RRP12: variants seen among roughly 807,000 people sequenced by gnomAD.
RRP12 encodes the protein RRP12-like protein.
A neutral mutation model predicts 157.3 loss-of-function variants in RRP12; 78 were observed. The observed-to-expected ratio is 0.50, with a 90% CI of 0.41 to 0.60. The LOEUF (loss-of-function observed/expected upper bound fraction) is 0.60, where lower values mean the gene tolerates loss of function less well. Ranked by LOEUF, RRP12 falls within the 20% of genes least tolerant of loss-of-function variation. The pLI is 0.00. For missense variants in RRP12, 1,521 were observed against 1,679.9 expected (o/e 0.91, Z 1.65); for synonymous variants, 726 against 670.9 (o/e 1.08, Z -1.27).
In RRP12 at chr10:97,385,267, G is replaced by T. The variant is rs1844596293; in HGVS notation, c.1117-10C>A. On this transcript the variant is annotated splice_polypyrimidine_tract_variant and intron_variant, in intron 9 of 33. Coordinates refer to ENST00000370992, the MANE Select transcript of RRP12 (RefSeq NM_015179.4). ...CATAGTCGTACAGGGCCTAAAAGTG[G>T]GAATAAGCAGGTGACTGAGCATGCA... 6.2e-7 allele frequency: 1 copy of T among 1,605,288 alleles called. No homozygotes were observed. The highest frequency in any genetic ancestry group is 1.3e-5 in the African/African-American group (1 of 74,742).
intron 3 of RRP12, among the ~76,000 whole-genome samples, chr10:97,395,199 T>C (rs1393341085): frequency 8.2e-6 from 1 of 122,184 alleles, no homozygotes; most frequent in Non-Finnish European, 1.7e-5. Context: ...AGTATATATA[T>C]ACACATATAC....
chr10:97,396,015 C>G (rs781076155), intron 3 of RRP12, among the ~76,000 whole-genome samples: 1 of 151,834 alleles, frequency 6.6e-6, no homozygotes, highest in Non-Finnish European at 1.5e-5. Context: ...AAAAAAGAAA[C>G]AAAGAAAGAA....
At chr10:97,366,660 G>C (rs1296608617) in intron 27 of RRP12, 39 bp from the exon 28 acceptor site, 2 of 1,601,190 alleles carry the variant, frequency 1.2e-6, no homozygotes, top group Non-Finnish European at 1.7e-6. Context: ...GCTCCCAGGA[G>C]AGGCGGGGGT....
Position 97,388,750 on chromosome 10 carries a change from T to C in RRP12, c.754-126A>G, listed in dbSNP as rs772910991. 28 of 1,156,622 alleles carry C rather than the reference T, an allele frequency of 2.4e-5. 1 individual carries two copies. Among genetic ancestry groups the C allele is most frequent in the South Asian group, 2.3e-4 (15 of 65,600 alleles). The allele number at this position is 1,156,622 out of a possible 1,614,324, so 71.6% of individuals were successfully genotyped here. ...AGATCCAATGATGATCTGACTACTATAGATCCAGTGCTACACCAGGGCCTT... is the reference window on the plus strand; with the variant it reads ...AGATCCAATGATGATCTGACTACTACAGATCCAGTGCTACACCAGGGCCTT... On this transcript the variant is annotated intron_variant, in intron 6 of 33. Transcript: ENST00000370992.
intron 15 of RRP12, among the ~76,000 whole-genome samples, chr10:97,374,771 C>CAAAAA (rs775889963): frequency 6.6e-5 from 6 of 90,640 alleles, no homozygotes; most frequent in African/African-American, 2.5e-4. Context: ...GACTCTGTCT[C>CAAAAA]AAAAAAAAAA....
At chr10:97,379,049 G>A (rs1337109329) in intron 15 of RRP12, among the ~76,000 whole-genome samples, 2 of 152,250 alleles carry the variant, frequency 1.3e-5, no homozygotes, top group Admixed American at 1.3e-4. Context: ...GCAGCTCCAT[G>A]TGGAGGCAGC....
chr10:97,397,005 TC>T (rs1844982282), intron 2 of RRP12, among the ~76,000 whole-genome samples: 1 of 152,182 alleles, frequency 6.6e-6, no homozygotes, highest in Admixed American at 6.6e-5. Context: ...CCTCAAGTGA[TC>T]TGCCCTCCTT....
At position 97,357,694 on chromosome 10, in the gene RRP12, C is replaced by G. The variant is rs1247978146; in HGVS notation, c.3792-498G>C. On this transcript the variant is annotated intron_variant, in intron 33 of 33. Transcript: ENST00000370992. The stretch of plus-strand genomic sequence containing the variant: ...ATGACTATGGCTGGGCGTGGTGGCT[C>G]ATGCCTGTAATCCCAGCACTTTGGG... Among the ~76,000 whole-genome samples, 3 of 152,214 alleles carry G rather than the reference C, an allele frequency of 2.0e-5. No individual in the cohort carries two copies. In the East Asian group the frequency reaches 5.8e-4, roughly 29 times the overall value.
chr10:97,372,687 C>G, intron 19 of RRP12, 49 bp downstream of exon 19: 1 of 1,469,012 alleles, frequency 6.8e-7, no homozygotes, highest in Middle Eastern at 1.7e-4. Context: ...ATGCACCCTC[C>G]AGCTCCCTGG....
chr10:97,367,514 G>T, intron 25 of RRP12: 1 of 239,716 alleles, frequency 4.2e-6, no homozygotes, highest in Non-Finnish European at 8.4e-6. Context: ...TGGCCATAGA[G>T]GTGGGAGTTC....
intron 3 of RRP12, 62 bp from the exon 4 acceptor site, chr10:97,393,822 G>T: frequency 2.2e-6 from 3 of 1,373,802 alleles, no homozygotes; most frequent in South Asian, 1.2e-5. Flanking sequence ...ACAGGAAAGA[G>T]AGTGGGGGAA....
chr10:97,363,320 G>A (rs560062525), intron 30 of RRP12, among the ~76,000 whole-genome samples: 79 of 152,338 alleles, frequency 5.2e-4, no homozygotes, highest in African/African-American at 1.8e-3. Context: ...CTGGCAGGCA[G>A]CACTGCCAGG....
At chr10:97,367,454 C>G in intron 25 of RRP12, 2 of 386,262 alleles carry the variant, frequency 5.2e-6, no homozygotes, top group Admixed American at 4.2e-5. Context: ...CTATCACCCC[C>G]TATTTATAGA....
At position 97,371,056 on chromosome 10, in the gene RRP12, T is replaced by C. The variant is rs1372859623; in HGVS notation, c.2369A>G (p.Lys790Arg). 9 of 1,613,700 alleles carry C rather than the reference T, an allele frequency of 5.6e-6. No homozygotes were observed. Among genetic ancestry groups the C allele is most frequent in the Non-Finnish European group, 6.8e-6 (8 of 1,179,914 alleles). Residue 790 changes from lysine to arginine, a missense_variant, in exon 21 of 34, where the codon AAG (lysine) becomes AGG (arginine). Lys to Arg is a conservative substitution (Grantham distance 26, BLOSUM62 2). Coordinates refer to ENST00000370992, the MANE Select transcript of RRP12 (RefSeq NM_015179.4). ...CACCTCCTCCAGCACTCGGTAGGCCTTCTTCTGCACCCCGTGGGCCTTGCT... is the reference window on the plus strand; with the variant it reads ...CACCTCCTCCAGCACTCGGTAGGCCCTCTTCTGCACCCCGTGGGCCTTGCT... ...LESKAHGVQK[K>R]AYRVLEEVCA...
intron 30 of RRP12, among the ~76,000 whole-genome samples, chr10:97,363,455 A>G (rs1364347354): frequency 1.4e-5 from 2 of 139,882 alleles, no homozygotes; most frequent in Non-Finnish European, 3.3e-5. Flanking sequence ...TTACCTCTGT[A>G]CGCTCCTCTG....
intron 1 of RRP12, 105 bp downstream of exon 1, chr10:97,400,988 G>T: frequency 7.4e-7 from 1 of 1,358,690 alleles, no homozygotes; most frequent in South Asian, 1.4e-5. Context: ...AGAGACGAAA[G>T]GTCCAATGCC....
intron 21 of RRP12, 31 bp downstream of exon 21, chr10:97,370,892 T>A (rs893625088): frequency 1.2e-6 from 2 of 1,612,658 alleles, no homozygotes; most frequent in Non-Finnish European, 1.7e-6. Flanking sequence ...CCAGGCTCCC[T>A]CGGCAGAGCG....
chr10:97,395,076 G>C lies in RRP12; in HGVS notation c.453+1142C>G, dbSNP rs189042240. ...GATCATCACTTGAACACAGGAGGTG[G>C]AGGTTGCAGTGAGCCATGATCACAC... is the stretch of plus-strand genomic sequence containing the variant. On this transcript the variant is annotated intron_variant, in intron 3 of 33. Coordinates refer to ENST00000370992, the MANE Select transcript of RRP12 (RefSeq NM_015179.4). 2.9e-3 allele frequency among the ~76,000 whole-genome samples: 436 copies of C among 152,102 alleles called. 3 individuals are homozygous for C. Among genetic ancestry groups the C allele is most frequent in the African/African-American group, 0.01 (420 of 41,488 alleles).
chr10:97,392,192 G>A (rs186038223), intron 4 of RRP12, among the ~76,000 whole-genome samples: 279 of 151,746 alleles, frequency 1.8e-3, no homozygotes, highest in African/African-American at 6.6e-3. Flanking sequence ...GGCTGGTTTC[G>A]AACTCCTGGG....
Sources: allele counts gnomAD v4.1 joint callset (sites outside exome capture counted in the v4.1 genomes callset), GRCh38; gene constraint gnomAD v4.1.1; transcripts MANE v1.5; gene names NCBI Gene and HGNC (gene_info 2026-07-23, HGNC 2026-07-21).